Variants in COPS4 observed in about 807,000 individuals in gnomAD.
COPS4 encodes COP9 signalosome complex subunit 4.
COPS4 carries 8 observed loss-of-function variants against 55.1 expected under a neutral mutation model. The ratio of observed to expected loss-of-function variants is 0.15; its 90% CI spans 0.09 to 0.26. The LOEUF is 0.26. COPS4 is among the 10% of genes least tolerant of loss of function. COPS4 has a pLI of 1.00. For missense variants in COPS4, 248 were observed against 484.0 expected (o/e 0.51, Z 4.58); for synonymous variants, 185 against 165.7 (o/e 1.12, Z -0.90).
chr4:83,060,154 C>T (rs1258897132), intron 6 of COPS4, among the ~76,000 whole-genome samples: 1 of 149,726 alleles, frequency 6.7e-6, no homozygotes, highest in African/African-American at 2.5e-5. Flanking sequence ...TGTGGATATT[C>T]TTTGATAGTA....
In COPS4 at chr4:83,066,872, G is replaced by T. The variant is rs192381998; in HGVS notation, c.1002+319G>T. On this transcript the variant is annotated intron_variant, in intron 8 of 9. Transcript: ENST00000264389. The stretch of plus-strand genomic sequence containing the variant: ...CCATTTTCTGAGAATGTCTTTGTTT[G>T]GTGTCTGTTTAAATCCAACAAAGTA... Among the ~76,000 whole-genome samples the T allele has an allele frequency of 4.9e-4, 75 of 152,174 alleles. 1 individual carries two copies. Among genetic ancestry groups the T allele is most frequent in the Non-Finnish European group, 4.4e-5 (3 of 67,994 alleles).
intron 2 of COPS4, among the ~76,000 whole-genome samples, chr4:83,046,073 T>C (rs543974791): frequency 2.0e-4 from 31 of 152,220 alleles, no homozygotes; most frequent in African/African-American, 6.7e-4. Context: ...GTACATCTAA[T>C]GTACCTAAAA....
At chr4:83,037,950 G>A (rs1445787546) in intron 1 of COPS4, among the ~76,000 whole-genome samples, 2 of 152,184 alleles carry the variant, frequency 1.3e-5, no homozygotes, top group Non-Finnish European at 2.9e-5. Flanking sequence ...AACTCAGTTA[G>A]AAATGCTTTC....
At chr4:83,038,921 G>A (rs6535430) in intron 1 of COPS4, among the ~76,000 whole-genome samples, 13,524 of 152,122 alleles carry the variant, frequency 0.089, 2,049 homozygotes, top group African/African-American at 0.31. Context: ...GGGATTACAG[G>A]CGTGAGCCAC....
intron 1 of COPS4, 64 bp downstream of exon 1, chr4:83,035,362 CT>C: frequency 7.5e-7 from 1 of 1,324,594 alleles, no homozygotes. Context: ...CCTTAATCTC[CT>C]TAGGTTGGCC....
chr4:83,050,267 A>G (rs1376327705), intron 4 of COPS4, among the ~76,000 whole-genome samples: 1 of 152,122 alleles, frequency 6.6e-6, no homozygotes, highest in African/African-American at 2.4e-5. Flanking sequence ...ATCTGAGGAA[A>G]GAATATCACC....
At chr4:83,074,495 T>C (rs1731514555) in intron 9 of COPS4, among the ~76,000 whole-genome samples, 1 of 147,036 alleles carries the variant, frequency 6.8e-6, no homozygotes, top group South Asian at 2.2e-4. Flanking sequence ...GGAGTTTCAC[T>C]CTTGTCGCCC....
chr4:83,047,724 G>A (rs537024042), intron 2 of COPS4, among the ~76,000 whole-genome samples: 10 of 152,050 alleles, frequency 6.6e-5, no homozygotes, highest in African/African-American at 2.2e-4. Context: ...ATAATTGGCC[G>A]GGGCCATGGC....
intron 9 of COPS4, among the ~76,000 whole-genome samples, chr4:83,072,866 T>C (rs1268215876): frequency 6.7e-6 from 1 of 149,152 alleles, no homozygotes; most frequent in African/African-American, 2.4e-5. Flanking sequence ...TTCCCACTCC[T>C]TTTTTTTTGT....
intron 4 of COPS4, among the ~76,000 whole-genome samples, chr4:83,054,958 A>G (rs962183263): frequency 3.9e-5 from 6 of 152,278 alleles, no homozygotes; most frequent in Admixed American, 3.9e-4. Context: ...TCAACAGTAT[A>G]GTGCTATGCA....
At chr4:83,045,978 G>C (rs1394343729) in intron 2 of COPS4, among the ~76,000 whole-genome samples, 4 of 152,066 alleles carry the variant, frequency 2.6e-5, no homozygotes, top group African/African-American at 9.7e-5. Context: ...TCAAATCCTG[G>C]TATGCTATTT....
chr4:83,043,546 A>AT, intron 1 of COPS4, among the ~76,000 whole-genome samples: 1 of 149,136 alleles, frequency 6.7e-6, no homozygotes, highest in South Asian at 2.1e-4. Context: ...AAAAAAAAAA[A>AT]CCATAACAAC....
chr4:83,075,023 A>G (rs1341578482), intron 9 of COPS4, among the ~76,000 whole-genome samples: 3 of 151,936 alleles, frequency 2.0e-5, no homozygotes, highest in African/African-American at 7.2e-5. Flanking sequence ...AGGCTGAGTC[A>G]GGAGAATCGC....
intron 5 of COPS4, 30 bp from the exon 6 acceptor site, chr4:83,057,228 C>A: frequency 6.4e-7 from 1 of 1,558,082 alleles, no homozygotes; most frequent in Non-Finnish European, 8.7e-7. Flanking sequence ...TTTAATTTGT[C>A]CCCTAATTGA....
intron 9 of COPS4, among the ~76,000 whole-genome samples, chr4:83,070,892 G>T (rs1731411755): frequency 6.6e-6 from 1 of 152,070 alleles, no homozygotes; most frequent in African/African-American, 2.4e-5. Context: ...CCAAAAGCTG[G>T]TCCTGGTCCT....
chr4:83,045,654 C>A lies in COPS4; in HGVS notation c.103C>A (p.Gln35Lys), dbSNP rs1345201418. Reference sequence around the variant, plus strand: ...TCGTCAGATCCTGGAAAAAGCCATTCAGTTATCTGGAGCAGAACAACTAGA... The same window carrying A: ...TCGTCAGATCCTGGAAAAAGCCATTAAGTTATCTGGAGCAGAACAACTAGA... ...KYRQILEKAI[Q>K]LSGAEQLEAL... The change falls in exon 2 of 10, where the codon CAG becomes AAG. Residue 35 changes from glutamine to lysine, a missense_variant. This residue lies in a region of COPS4 where 55 missense variants were observed against 62.8 expected (regional missense o/e 0.88). Coordinates refer to ENST00000264389, the MANE Select transcript of COPS4 (RefSeq NM_016129.3). The A allele has an allele frequency of 6.2e-7, 1 of 1,613,112 alleles. No individual in the cohort carries two copies. The highest frequency in any genetic ancestry group is 8.5e-7 in the Non-Finnish European group (1 of 1,179,388).
intron 1 of COPS4, among the ~76,000 whole-genome samples, chr4:83,038,736 G>A (rs2126127019): frequency 6.6e-6 from 1 of 152,222 alleles, no homozygotes. Context: ...CTGCCTCCCG[G>A]GTTCAACCGA....
At chr4:83,073,776 G>A (rs1276147881) in intron 9 of COPS4, among the ~76,000 whole-genome samples, 2 of 151,064 alleles carry the variant, frequency 1.3e-5, no homozygotes, top group Non-Finnish European at 2.9e-5. Context: ...AACCAACATG[G>A]TGAAACCCCG....
At chr4:83,062,691 G>A (rs1731191635) in intron 6 of COPS4, among the ~76,000 whole-genome samples, 1 of 152,190 alleles carries the variant, frequency 6.6e-6, no homozygotes, top group African/African-American at 2.4e-5. Flanking sequence ...AGTGCCCTAT[G>A]GAGAAAATAT....
Sources: gnomAD v4.1 joint callset for allele counts (sites outside exome capture counted in the v4.1 genomes callset) on GRCh38, gnomAD v4.1.1 for gene constraint, gnomAD v4.1.1 regional missense constraint, MANE v1.5 for transcripts, NCBI Gene and HGNC (gene_info 2026-07-23, HGNC 2026-07-21) for gene names.